ANGPT2: variants seen among roughly 807,000 people sequenced by gnomAD.
ANGPT2 encodes angiopoietin-2.
Under a neutral mutation model 62.9 loss-of-function variants are expected in ANGPT2, and 28 were observed. The observed-to-expected ratio is 0.44, with a 90% CI of 0.33 to 0.61. The LOEUF (loss-of-function observed/expected upper bound fraction) is 0.61, where lower values mean the gene tolerates loss of function less well. ANGPT2 is among the 20% of genes least tolerant of loss of function. The probability of loss-of-function intolerance (pLI) is 0.03; values close to 1 mark genes in which losing one functional copy is unlikely to be tolerated. For synonymous variants in ANGPT2, 284 were observed against 207.8 expected (o/e 1.37, Z -3.15); for missense variants, 727 against 594.9 (o/e 1.22, Z -2.31).
At chr8:6,511,529 C>T (rs1251282706) in intron 7 of ANGPT2, among the ~76,000 whole-genome samples, 1 of 152,062 alleles carries the variant, frequency 6.6e-6, no homozygotes, top group African/African-American at 2.4e-5. Flanking sequence ...AGTTTTCCAA[C>T]ACTTGGGGAA....
At chr8:6,550,049 C>T (rs1421464073) in intron 1 of ANGPT2, among the ~76,000 whole-genome samples, 1 of 152,230 alleles carries the variant, frequency 6.6e-6, no homozygotes, top group Non-Finnish European at 1.5e-5. Flanking sequence ...GATGTGCCTG[C>T]TGTCAGCACT....
At chr8:6,504,097 T>C (rs1276395577) in intron 8 of ANGPT2, among the ~76,000 whole-genome samples, 2 of 151,970 alleles carry the variant, frequency 1.3e-5, no homozygotes, top group African/African-American at 4.8e-5. Context: ...GGTGGGTGGA[T>C]CACGAGATCA....
At chr8:6,555,137 A>G (rs982414695) in intron 1 of ANGPT2, among the ~76,000 whole-genome samples, 39 of 152,280 alleles carry the variant, frequency 2.6e-4, no homozygotes, top group African/African-American at 9.1e-4. Flanking sequence ...ATTTACATCA[A>G]ATCATTCAAC....
intron 5 of ANGPT2, among the ~76,000 whole-genome samples, 195 bp downstream of exon 5, chr8:6,519,669 G>A (rs1048198764): frequency 1.3e-5 from 2 of 152,200 alleles, no homozygotes; most frequent in Admixed American, 1.3e-4. Context: ...TGCAGCTTTT[G>A]TATTTTCTGC....
Position 6,503,174 on chromosome 8 carries a change from T to C in ANGPT2, c.1415A>G (p.Lys472Arg). ...RQNTNKFNGI[K>R]WYYWKGSGYS... ...GCCTGAGCCTTTCCAGTAGTACCAT[T>C]TAATGCCGTTGAACTTATTTGTGTT... Residue 472 changes from lysine (K) to arginine (R), a missense_variant, in exon 9 of 9, where the codon AAA becomes AGA. By Grantham distance (26) the Lys-to-Arg change is conservative. Coordinates refer to ENST00000629816, the MANE Select transcript of ANGPT2 (RefSeq NM_001118887.2). 6.2e-7 allele frequency: 1 copy of C among 1,614,208 alleles called. No individual in the cohort carries two copies. Among genetic ancestry groups the C allele is most frequent in the Non-Finnish European group, 8.5e-7 (1 of 1,180,034 alleles).
intron 1 of ANGPT2, among the ~76,000 whole-genome samples, chr8:6,539,981 G>C (rs1397261459): frequency 2.6e-5 from 4 of 152,076 alleles, no homozygotes; most frequent in Admixed American, 1.3e-4. Flanking sequence ...GTTCACTTTT[G>C]GCCACTATAT....
intron 8 of ANGPT2, chr8:6,507,681 A>G (rs1472589811): frequency 1.4e-5 from 2 of 144,342 alleles, no homozygotes; most frequent in East Asian, 2.1e-4. Flanking sequence ...GGTTCAAGCC[A>G]TTCTCCTGCC....
intron 1 of ANGPT2, among the ~76,000 whole-genome samples, chr8:6,541,558 C>T (rs942437871): frequency 2.0e-5 from 3 of 152,186 alleles, no homozygotes; most frequent in Non-Finnish European, 4.4e-5. Flanking sequence ...AGACGCTCGG[C>T]AGGTCCTTGG....
At chr8:6,520,186 CT>C (rs1173758142) in intron 4 of ANGPT2, among the ~76,000 whole-genome samples, 195 bp from the exon 5 acceptor site, 2 of 152,046 alleles carry the variant, frequency 1.3e-5, no homozygotes, top group Non-Finnish European at 2.9e-5. Context: ...AAGATTAATA[CT>C]TACTTTTTGG....
intron 1 of ANGPT2, among the ~76,000 whole-genome samples, chr8:6,536,042 G>C (rs1353171612): frequency 6.6e-6 from 1 of 152,154 alleles, no homozygotes; most frequent in Non-Finnish European, 1.5e-5. Context: ...GGGCGACAGA[G>C]TGAGACCTTG....
At chr8:6,532,089 A>T (rs2129571756) in intron 2 of ANGPT2, among the ~76,000 whole-genome samples, 1 of 152,294 alleles carries the variant, frequency 6.6e-6, no homozygotes, top group South Asian at 2.1e-4. Context: ...CATGAAAATG[A>T]CTCACATGTC....
At chr8:6,519,607 G>C (rs968829468) in intron 5 of ANGPT2, among the ~76,000 whole-genome samples, 4 of 152,206 alleles carry the variant, frequency 2.6e-5, no homozygotes, top group Non-Finnish European at 5.9e-5. Context: ...CAAAATGCAA[G>C]GAGAATGTAT....
At chr8:6,555,943 A>G (rs973570489) in intron 1 of ANGPT2, among the ~76,000 whole-genome samples, 1 of 152,158 alleles carries the variant, frequency 6.6e-6, no homozygotes, top group Non-Finnish European at 1.5e-5. Context: ...AAGGGCTGGC[A>G]TCTCACCTAT....
chr8:6,511,307 C>G (rs1815046400), intron 7 of ANGPT2, among the ~76,000 whole-genome samples: 1 of 151,164 alleles, frequency 6.6e-6, no homozygotes, highest in Admixed American at 6.6e-5. Flanking sequence ...TTTTCAATCT[C>G]TGCAGCTTTG....
intron 1 of ANGPT2, among the ~76,000 whole-genome samples, chr8:6,538,273 TAC>T (rs1820869621): frequency 2.0e-5 from 3 of 151,880 alleles, no homozygotes; most frequent in Non-Finnish European, 4.4e-5. Context: ...CCATCTGTCT[TAC>T]ACACACACAT....
At chr8:6,508,357 A>G (rs1309173765) in intron 8 of ANGPT2, 1 of 153,782 alleles carries the variant, frequency 6.5e-6, no homozygotes, top group Non-Finnish European at 1.4e-5. Context: ...CTGAGGCAGG[A>G]GAATCGCTTG....
At chr8:6,515,890 G>A (rs1816172456) in intron 5 of ANGPT2, among the ~76,000 whole-genome samples, 1 of 152,228 alleles carries the variant, frequency 6.6e-6, no homozygotes, top group Admixed American at 6.5e-5. Flanking sequence ...AGAGAACCAA[G>A]AGAGTGCTAT....
chr8:6,537,098 G>A (rs1425409127), intron 1 of ANGPT2, among the ~76,000 whole-genome samples: 1 of 151,972 alleles, frequency 6.6e-6, no homozygotes, highest in Non-Finnish European at 1.5e-5. Flanking sequence ...CATCAAAACA[G>A]TTCCAAGATA....
At chr8:6,517,059 C>G (rs1026176880) in intron 5 of ANGPT2, among the ~76,000 whole-genome samples, 2 of 152,180 alleles carry the variant, frequency 1.3e-5, no homozygotes, top group African/African-American at 2.4e-5. Context: ...GTTAATTGGA[C>G]TATAAAACTT....
Sources: gnomAD v4.1 joint callset for allele counts (sites outside exome capture counted in the v4.1 genomes callset) on GRCh38, gnomAD v4.1.1 for gene constraint, MANE v1.5 for transcripts, NCBI Gene and HGNC (gene_info 2026-07-23, HGNC 2026-07-21) for gene names.